ORC5: variants seen among roughly 807,000 people sequenced by gnomAD.
ORC5 encodes the protein protein phosphatase 1, regulatory subunit 117.
ORC5 carries 39 observed loss-of-function variants against 58.8 expected under a neutral mutation model. The observed-to-expected ratio is 0.66, with a 90% CI of 0.51 to 0.87. The LOEUF is 0.87. Among genes scored for constraint, ORC5 ranks in the 40% least tolerant of loss-of-function variants. The pLI is 0.00. For missense variants in ORC5, 493 were observed against 506.3 expected (o/e 0.97, Z 0.25); for synonymous variants, 218 against 177.6 (o/e 1.23, Z -1.81).
At chr7:104,163,593 T>C (rs1289342421) in intron 11 of ORC5, among the ~76,000 whole-genome samples, 1 of 152,138 alleles carries the variant, frequency 6.6e-6, no homozygotes, top group Non-Finnish European at 1.5e-5. Flanking sequence ...TTCACGCCAT[T>C]CTCCCGCCTC....
chr7:104,147,664 A>G (rs1798778446), intron 12 of ORC5, among the ~76,000 whole-genome samples: 1 of 152,208 alleles, frequency 6.6e-6, no homozygotes, highest in South Asian at 2.1e-4. Context: ...ATTTAATCCA[A>G]AAGTCCCAAT....
chr7:104,152,486 T>C (rs1170193322), intron 12 of ORC5, among the ~76,000 whole-genome samples: 1 of 152,142 alleles, frequency 6.6e-6, no homozygotes, highest in East Asian at 1.9e-4. Context: ...CAACGAAGAT[T>C]TTTTTCTAAA....
At position 104,167,297 on chromosome 7, in the gene ORC5, T is replaced by C. The variant is rs1287138270; in HGVS notation, c.878-413A>G. On this transcript the variant is annotated intron_variant, in intron 9 of 13. Coordinates refer to ENST00000297431, the MANE Select transcript of ORC5 (RefSeq NM_002553.4). ...GTTGAGTATACTTTATCTGAAATGC[T>C]TGGGACCAGAAGTGTTTTGGATTTT... Among the ~76,000 whole-genome samples, 3 of 152,290 alleles carry C rather than the reference T, an allele frequency of 2.0e-5. No individual in the cohort carries two copies. In the East Asian group the frequency reaches 5.8e-4, roughly 29 times the overall value.
intron 9 of ORC5, 103 bp downstream of exon 9, chr7:104,168,370 T>C (rs1465340183): frequency 6.7e-7 from 1 of 1,501,904 alleles, no homozygotes; most frequent in Admixed American, 2.2e-5. Context: ...TTCTCTTTTA[T>C]AACACTATTT....
intron 11 of ORC5, 80 bp from the exon 12 acceptor site, chr7:104,161,262 C>A (rs902012839): frequency 1.3e-6 from 1 of 755,870 alleles, no homozygotes; most frequent in Non-Finnish European, 2.3e-6. Flanking sequence ...CTGCCAGTAA[C>A]AATGTATTTT....
At chr7:104,142,368 A>T (rs1798687369) in intron 12 of ORC5, among the ~76,000 whole-genome samples, 1 of 152,194 alleles carries the variant, frequency 6.6e-6, no homozygotes, top group South Asian at 2.1e-4. Context: ...AAGCACAGGA[A>T]ACAAAAGCAA....
intron 12 of ORC5, among the ~76,000 whole-genome samples, chr7:104,154,960 C>T (rs1471516834): frequency 6.6e-6 from 1 of 151,316 alleles, no homozygotes; most frequent in Non-Finnish European, 1.5e-5. Context: ...GAAGTATTTG[C>T]TAAAAAAAAA....
chr7:104,152,588 G>A (rs1470652332), intron 12 of ORC5, among the ~76,000 whole-genome samples: 1 of 151,948 alleles, frequency 6.6e-6, no homozygotes, highest in Non-Finnish European at 1.5e-5. Flanking sequence ...TGCCTATATA[G>A]TCACTATATA....
At chr7:104,132,008 T>C (rs1199466180) in intron 13 of ORC5, among the ~76,000 whole-genome samples, 1 of 152,182 alleles carries the variant, frequency 6.6e-6, no homozygotes, top group East Asian at 1.9e-4. Context: ...CCTACCACAG[T>C]GTTTTGTTTA....
rs185282264 is a variant in ORC5 at position 104,159,998 on chromosome 7, A to C, written c.1149+1074T>G. ...CTGTAACACAAATTAAAACTGAATT[A>C]CTTTTTTAAAGTTATCAGCATTAGT... On this transcript the variant is annotated intron_variant, in intron 12 of 13. Transcript: ENST00000297431. 4.2e-3 allele frequency among the ~76,000 whole-genome samples: 638 copies of C among 152,304 alleles called. 5 individuals are homozygous for C. The highest frequency in any genetic ancestry group is 0.015 in the African/African-American group (603 of 41,582).
intron 1 of ORC5, among the ~76,000 whole-genome samples, chr7:104,204,789 T>C (rs1800033460): frequency 6.6e-6 from 1 of 152,324 alleles, no homozygotes; most frequent in East Asian, 1.9e-4. Context: ...AAAACACTAA[T>C]AAAATCTGCA....
chr7:104,152,147 T>C (rs1386876269), intron 12 of ORC5, among the ~76,000 whole-genome samples: 1 of 152,124 alleles, frequency 6.6e-6, no homozygotes, highest in Non-Finnish European at 1.5e-5. Context: ...AATCATCTTT[T>C]ATAGATTTTG....
chr7:104,150,431 T>G (rs1410409936), intron 12 of ORC5, among the ~76,000 whole-genome samples: 1 of 152,018 alleles, frequency 6.6e-6, no homozygotes, highest in Non-Finnish European at 1.5e-5. Context: ...TATTGAGAGT[T>G]CAACTGACAT....
chr7:104,144,153 A>G (rs1476789821), intron 12 of ORC5, among the ~76,000 whole-genome samples: 3 of 152,120 alleles, frequency 2.0e-5, no homozygotes, highest in Non-Finnish European at 4.4e-5. Flanking sequence ...AGGAGTGAAC[A>G]AATGTACCAA....
At chr7:104,207,308 A>C (rs1800113253) in intron 1 of ORC5, among the ~76,000 whole-genome samples, 2 of 152,178 alleles carry the variant, frequency 1.3e-5, no homozygotes, top group Admixed American at 1.3e-4. Context: ...GTGAACTATC[A>C]GTTAAGGAGA....
chr7:104,191,286 C>T (rs942722036), intron 5 of ORC5, among the ~76,000 whole-genome samples: 1 of 151,802 alleles, frequency 6.6e-6, no homozygotes, highest in African/African-American at 2.4e-5. Context: ...ACAAAGATAT[C>T]TACCTATAAA....
intron 12 of ORC5, among the ~76,000 whole-genome samples, chr7:104,139,492 A>G (rs577767714): frequency 6.6e-6 from 1 of 152,294 alleles, no homozygotes; most frequent in East Asian, 1.9e-4. Context: ...ATTATCATGC[A>G]GTATTTAGTC....
chr7:104,146,632 T>G (rs1798756976), intron 12 of ORC5, among the ~76,000 whole-genome samples: 1 of 152,120 alleles, frequency 6.6e-6, no homozygotes, highest in Non-Finnish European at 1.5e-5. Flanking sequence ...CAATTACCAG[T>G]TAACAGGAAT....
At chr7:104,205,428 A>G (rs1800055261) in intron 1 of ORC5, among the ~76,000 whole-genome samples, 1 of 152,088 alleles carries the variant, frequency 6.6e-6, no homozygotes, top group African/African-American at 2.4e-5. Flanking sequence ...TTACAAGAAA[A>G]TGGGATTATG....
Sources: allele counts gnomAD v4.1 joint callset (sites outside exome capture counted in the v4.1 genomes callset), GRCh38; gene constraint gnomAD v4.1.1; transcripts MANE v1.5; gene names NCBI Gene and HGNC (gene_info 2026-07-23, HGNC 2026-07-21).